YARS1: variants seen among roughly 807,000 people sequenced by gnomAD.
YARS1 encodes the protein tyrosine--tRNA ligase, cytoplasmic.
YARS1 carries 36 observed loss-of-function variants against 62.2 expected under a neutral mutation model. The observed-to-expected ratio is 0.58, with a 90% CI of 0.44 to 0.76. The LOEUF (loss-of-function observed/expected upper bound fraction) is 0.76, where lower values mean the gene tolerates loss of function less well. YARS1 is among the 30% of genes least tolerant of loss of function. The pLI, the probability that YARS1 is intolerant of heterozygous loss-of-function variation, is 0.00. For missense variants in YARS1, 524 were observed against 639.8 expected (o/e 0.82, Z 1.95); for synonymous variants, 234 against 244.9 (o/e 0.96, Z 0.42).
At position 32,810,655 on chromosome 1, in the gene YARS1, C is replaced by A; in HGVS notation, c.316G>T (p.Glu106Ter). The A allele has an allele frequency of 1.2e-6, 2 of 1,613,988 alleles. No homozygotes were observed. The highest frequency in any genetic ancestry group is 2.7e-5 in the African/African-American group (2 of 75,016). ...YYENVIKAML[E>*]SIGVPLEKLK... ...TTCTCCAAGGGCACACCAATGCTCT[C>A]CAGCATTGCTTTGATCACATTCTCA... Residue 106 changes from glutamate (E) to a stop codon, truncating the protein, a stop_gained, in exon 3 of 13, where the codon GAG becomes TAG. Transcript: ENST00000373477. LOFTEE classifies it high-confidence loss of function.
At chr1:32,799,123 T>C (rs1285328105) in intron 4 of YARS1, among the ~76,000 whole-genome samples, 1 of 152,228 alleles carries the variant, frequency 6.6e-6, no homozygotes, top group Non-Finnish European at 1.5e-5. Flanking sequence ...AGCTTGGTTT[T>C]GAACAACATA....
Position 32,780,101 on chromosome 1 carries a change from G to A in YARS1, c.1318C>T (p.Leu440Phe). ...CTCACTCACATAGAAGCACACAGAA[G>A]CATGCCTTGGGACTCGACTCCTCTC... ...KMRGVESQGMLLCASIEGINR... is the reference protein window; with the variant it reads ...KMRGVESQGMFLCASIEGINR... The change falls in exon 11 of 13, where the codon CTT becomes TTT. Residue 440 changes from leucine (L) to phenylalanine (F), a missense_variant. Leu to Phe is a conservative substitution (Grantham distance 22). Coordinates refer to ENST00000373477, the MANE Select transcript of YARS1 (RefSeq NM_003680.4). 1 of 1,614,132 alleles carries A rather than the reference G, an allele frequency of 6.2e-7. No individual in the cohort carries two copies. Among genetic ancestry groups the A allele is most frequent in the Non-Finnish European group, 8.5e-7 (1 of 1,180,032 alleles).
At chr1:32,797,928 T>C in intron 4 of YARS1, 85 bp from the exon 5 acceptor site, 1 of 1,205,110 alleles carries the variant, frequency 8.3e-7, no homozygotes, top group South Asian at 1.2e-5. Context: ...TGGAGTGCTG[T>C]GGCGTGATCT....
At chr1:32,795,114 C>T (rs1164248494) in intron 5 of YARS1, among the ~76,000 whole-genome samples, 2 of 150,176 alleles carry the variant, frequency 1.3e-5, no homozygotes, top group Admixed American at 1.3e-4. Flanking sequence ...GGTCAGGAGA[C>T]CGAGACCACC....
At position 32,776,120 on chromosome 1, in the gene YARS1, A is replaced by G; in HGVS notation, c.1477-29T>C. 6.3e-7 allele frequency: 1 copy of G among 1,580,284 alleles called. No individual in the cohort carries two copies. The highest frequency in any genetic ancestry group is 8.7e-7 in the Non-Finnish European group (1 of 1,151,340). ...GACAAGACAGATAAGAGAGATTTTA[A>G]TGATGGTGGTGGGACTGCAAGAAAA... On this transcript the variant is annotated intron_variant, in intron 12 of 12. Coordinates refer to ENST00000373477, the MANE Select transcript of YARS1 (RefSeq NM_003680.4). This position sits in a 1 kb window ranked among gnomAD's most constrained non-coding sequence, Gnocchi z 4.0.
intron 4 of YARS1, among the ~76,000 whole-genome samples, chr1:32,800,591 CT>C (rs796969983): frequency 2.9e-4 from 43 of 146,676 alleles, no homozygotes; most frequent in Admixed American, 4.8e-4. Flanking sequence ...TTGTACTTTT[CT>C]TTTTTTTTTT....
chr1:32,803,317 A>C (rs571462910), intron 4 of YARS1, among the ~76,000 whole-genome samples: 9 of 144,974 alleles, frequency 6.2e-5, no homozygotes, highest in Non-Finnish European at 1.2e-4. Context: ...GTTTTAGTAG[A>C]GACCGGGTTT....
chr1:32,800,400 G>A (rs1392866777), intron 4 of YARS1, among the ~76,000 whole-genome samples: 3 of 151,986 alleles, frequency 2.0e-5, no homozygotes, highest in Non-Finnish European at 4.4e-5. Context: ...AGCACTTTGG[G>A]AGACTAAGGC....
intron 10 of YARS1, 45 bp from the exon 11 acceptor site, chr1:32,780,323 G>A: frequency 6.2e-7 from 1 of 1,610,294 alleles, no homozygotes; most frequent in African/African-American, 1.3e-5. Context: ...TCGTCCATTA[G>A]AGAAGCAGCC....
chr1:32,814,173 T>C (rs1441609523), intron 1 of YARS1, among the ~76,000 whole-genome samples: 1 of 152,144 alleles, frequency 6.6e-6, no homozygotes, highest in Non-Finnish European at 1.5e-5. Flanking sequence ...CTTACTTCAC[T>C]CCCCAACCAT....
At chr1:32,778,332 A>G (rs1446347011) in intron 12 of YARS1, among the ~76,000 whole-genome samples, 4 of 152,132 alleles carry the variant, frequency 2.6e-5, no homozygotes, top group African/African-American at 9.7e-5. Context: ...AGGCAAGGAG[A>G]CAATGAGTGC....
intron 6 of YARS1, among the ~76,000 whole-genome samples, chr1:32,789,357 T>C (rs1653339286): frequency 2.0e-5 from 3 of 152,214 alleles, no homozygotes; most frequent in African/African-American, 7.2e-5. Flanking sequence ...GTCGACAATG[T>C]GTGAGGATAC....
At position 32,782,550 on chromosome 1, in the gene YARS1, G is replaced by A. The variant is rs1176942529; in HGVS notation, c.907-11C>T. 6.2e-6 allele frequency: 10 copies of A among 1,614,058 alleles called. No homozygotes were observed. Among genetic ancestry groups the A allele is most frequent in the East Asian group, 4.5e-5 (2 of 44,864 alleles). On this transcript the variant is annotated splice_polypyrimidine_tract_variant and intron_variant, in intron 8 of 12. Transcript: ENST00000373477. ...TCCAGGATGTACAACCTGCAGAATC[G>A]AACAAGACCTAGTGAGATAAAGTCT... is the stretch of plus-strand genomic sequence containing the variant.
intron 10 of YARS1, chr1:32,780,532 A>C: frequency 1.8e-6 from 1 of 541,390 alleles, no homozygotes; most frequent in Non-Finnish European, 3.3e-6. Flanking sequence ...AAGGATCTCT[A>C]AGCCATCTGA....
At chr1:32,791,021 C>T in intron 6 of YARS1, 141 bp downstream of exon 6, 1 of 808,052 alleles carries the variant, frequency 1.2e-6, no homozygotes, top group South Asian at 1.4e-5. Context: ...TCAAGAACCA[C>T]TAAACTAATT....
chr1:32,815,460 A>C (rs1350058657), intron 1 of YARS1, among the ~76,000 whole-genome samples: 1 of 152,242 alleles, frequency 6.6e-6, no homozygotes, highest in Non-Finnish European at 1.5e-5. Flanking sequence ...GAAACAAAGA[A>C]TCTAGCTAGG....
chr1:32,783,329 G>A (rs1240403415), intron 8 of YARS1: 1 of 152,206 alleles, frequency 6.6e-6, no homozygotes, highest in African/African-American at 2.4e-5. Flanking sequence ...CCTTTTCTTT[G>A]AGACGGAGTC....
Position 32,791,162 on chromosome 1 carries a change from C to G in YARS1, c.684G>C (p.Glu228Asp), listed in dbSNP as rs766246001. The G allele has an allele frequency of 1.1e-4, 175 of 1,613,700 alleles. 1 individual carries two copies. Among genetic ancestry groups the G allele is most frequent in the Non-Finnish European group, 8.5e-6 (10 of 1,179,780 alleles). ...LTGSKMSSSE[E>D]ESKIDLLDRK... Reference sequence around the variant, plus strand: ...ATTCAAGTCTCAGCTGGCAACTTACCTCTTCTGAAGAGCTCATTTTGCTGC... The same window carrying G: ...ATTCAAGTCTCAGCTGGCAACTTACGTCTTCTGAAGAGCTCATTTTGCTGC... The change falls in exon 6 of 13, where the codon GAG becomes GAC. Residue 228 changes from glutamate (E) to aspartate (D), a missense_variant and splice_region_variant. Coordinates refer to ENST00000373477, the MANE Select transcript of YARS1 (RefSeq NM_003680.4).
At chr1:32,816,244 C>G (rs149173380) in intron 1 of YARS1, among the ~76,000 whole-genome samples, 3 of 151,578 alleles carry the variant, frequency 2.0e-5, no homozygotes, top group East Asian at 3.9e-4. Context: ...AAAAACAGAA[C>G]AGGCTGTGTG....
Sources: gnomAD v4.1 joint callset for allele counts (sites outside exome capture counted in the v4.1 genomes callset) on GRCh38, gnomAD v4.1.1 for gene constraint, Gnocchi (gnomAD v3.1) non-coding constraint, MANE v1.5 for transcripts, NCBI Gene and HGNC (gene_info 2026-07-23, HGNC 2026-07-21) for gene names.